Variants in NBEAL2 observed in about 807,000 individuals in gnomAD.
NBEAL2 encodes the protein neurobeachin like 2, also known as neurobeachin-like protein 2.
Under a neutral mutation model 299.8 loss-of-function variants are expected in NBEAL2, and 160 were observed. That is an observed-to-expected ratio of 0.53 (90% CI 0.47 to 0.61). NBEAL2 has a LOEUF of 0.61. NBEAL2 is among the 20% of genes least tolerant of loss of function. The pLI is 0.00. For missense variants in NBEAL2, 3,112 were observed against 3,649.0 expected (o/e 0.85, Z 3.79); for synonymous variants, 1,493 against 1,542.3 (o/e 0.97, Z 0.75).
chr3:46,992,589 C>A (rs777780700), intron 10 of NBEAL2, 34 bp downstream of exon 10: 3 of 1,538,854 alleles, frequency 1.9e-6, no homozygotes, highest in East Asian at 4.8e-5. Context: ...TCAGACACCC[C>A]CTGGGACTCC....
intron 6 of NBEAL2, among the ~76,000 whole-genome samples, chr3:46,990,653 T>C (rs542853724): frequency 7.2e-5 from 11 of 152,352 alleles, no homozygotes; most frequent in Middle Eastern, 3.4e-3. Flanking sequence ...TTCTGCCCTC[T>C]GAGTTTCAGT....
intron 22 of NBEAL2, 32 bp downstream of exon 22, chr3:46,998,597 G>T: frequency 6.3e-7 from 1 of 1,594,502 alleles, no homozygotes; most frequent in Admixed American, 1.8e-5. Context: ...GGGCCATGGG[G>T]GGCTGACACA....
At chr3:46,983,251 C>A (rs1484991856) in intron 1 of NBEAL2, among the ~76,000 whole-genome samples, 1 of 151,892 alleles carries the variant, frequency 6.6e-6, no homozygotes, top group South Asian at 2.1e-4. Flanking sequence ...ATGATCTCTA[C>A]TGCCTCTCAG....
Position 47,008,528 on chromosome 3 carries a change from C to A in NBEAL2, c.7887C>A (p.Tyr2629Ter). The A allele has an allele frequency of 6.2e-7, 1 of 1,613,056 alleles. No individual in the cohort carries two copies. Among genetic ancestry groups the A allele is most frequent in the South Asian group, 1.1e-5 (1 of 91,090 alleles). Residue 2629 changes from tyrosine (Y) to a stop codon, truncating the protein, a stop_gained, in exon 52 of 54, where the codon TAC (tyrosine) becomes TAA (stop). Transcript: ENST00000450053. LOFTEE classifies it high-confidence loss of function. ...AWERPGAQVTYSLHLYSVNGK... is the reference protein window; with the variant it reads ...AWERPGAQVT ...CTCCCTGCTTCCTCCAGGTCACCTA[C>A]TCCTTGCACCTGTATTCAGTCAATG...
chr3:46,996,505 C>T lies in NBEAL2; in HGVS notation c.2386C>T (p.Pro796Ser). 1 of 1,578,912 alleles carries T rather than the reference C, an allele frequency of 6.3e-7. No homozygotes were observed. Among genetic ancestry groups the T allele is most frequent in the African/African-American group, 1.3e-5 (1 of 74,436 alleles). Residue 796 changes from proline to serine, a missense_variant, in exon 16 of 54, where the codon CCC (proline) becomes TCC (serine). Coordinates refer to ENST00000450053, the MANE Select transcript of NBEAL2 (RefSeq NM_015175.3). Reference sequence around the variant, plus strand: ...CACCCAGGACACTCGGTGGGGCAGCCCCACATCCCTGGAGGGTGAGCTGGG... The same window carrying T: ...CACCCAGGACACTCGGTGGGGCAGCTCCACATCCCTGGAGGGTGAGCTGGG... ...AGTQDTRWGSPTSLEGELGAV... is the reference protein window; with the variant it reads ...AGTQDTRWGSSTSLEGELGAV...
At chr3:46,999,217 C>G (rs74515346) in intron 24 of NBEAL2, 98 bp from the exon 25 acceptor site, 22 of 1,534,296 alleles carry the variant, frequency 1.4e-5, no homozygotes, top group Admixed American at 3.9e-5. Flanking sequence ...GATGAAGCTG[C>G]CTTCAAGGGC....
At position 46,989,394 on chromosome 3, in the gene NBEAL2, C is replaced by T; in HGVS notation, c.473+13C>T. On this transcript the variant is annotated intron_variant, in intron 5 of 53. Coordinates refer to ENST00000450053, the MANE Select transcript of NBEAL2 (RefSeq NM_015175.3). The surrounding 1 kb of genome is among the most constrained non-coding windows in gnomAD (Gnocchi z 5.5). ...GCCAGCGCAGTGGGTGAGACCCAGCCCACAGGAAGGGAACCCAGAGGAGGG... is the reference window on the plus strand; with the variant it reads ...GCCAGCGCAGTGGGTGAGACCCAGCTCACAGGAAGGGAACCCAGAGGAGGG... The T allele has an allele frequency of 1.3e-6, 2 of 1,573,276 alleles. No homozygotes were observed. The highest frequency in any genetic ancestry group is 1.7e-4 in the Middle Eastern group (1 of 6,028).
At position 47,001,463 on chromosome 3, in the gene NBEAL2, GC is replaced by G. The variant is rs779373988; in HGVS notation, c.4644+27del. The G allele has an allele frequency of 5.6e-6, 9 of 1,605,254 alleles. No homozygotes were observed. The African/African-American group carries it at 1.2e-4, about 21-fold the overall frequency. ...GGTGCGACCCCTCAGAGAGGCGTGA[GC>G]CACATGAACACTCATGTTCATGCAA... On this transcript the variant is annotated intron_variant, in intron 29 of 53. Transcript: ENST00000450053. The surrounding 1 kb of genome is among the most constrained non-coding windows in gnomAD (Gnocchi z 6.1).
chr3:47,007,395 A>ACCCGGAATTATT (rs1257041914), intron 47 of NBEAL2, 45 bp downstream of exon 47: 9 of 1,562,716 alleles, frequency 5.8e-6, no homozygotes, highest in Non-Finnish European at 7.8e-6. Flanking sequence ...AATGCCCTGC[A>ACCCGGAATTATT]CCCGGAATTA....
In NBEAL2 at chr3:46,995,121, G is replaced by A; in HGVS notation, c.1386G>A (p.Leu462=). 1 of 1,574,520 alleles carries A rather than the reference G, an allele frequency of 6.4e-7. No individual in the cohort carries two copies. The highest frequency in any genetic ancestry group is 8.6e-7 in the Non-Finnish European group (1 of 1,160,124). The part of the protein sequence containing the change: ...VLVLAQWLPS[L]PTAELRLFLA... ...TGCTGGCGCAGTGGCTGCCGTCATT[G>A]CCCACCGCTGAGCTGCGGCTCTTCC... is the stretch of plus-strand genomic sequence containing the variant. The change falls in exon 13 of 54, where the codon TTG becomes TTA. Residue 462 remains leucine (L), a synonymous_variant. Transcript: ENST00000450053.
chr3:47,002,129 G>A lies in NBEAL2; in HGVS notation c.4992G>A (p.Leu1664=). 1 of 1,550,612 alleles carries A rather than the reference G, an allele frequency of 6.4e-7. No individual in the cohort carries two copies. Among genetic ancestry groups the A allele is most frequent in the South Asian group, 1.2e-5 (1 of 84,382 alleles). ...AAAAAERCSW[L]VPLVRTLLDR... ...CAGCTGCAGAGCGCTGCTCCTGGCT[G>A]GTGCCACTGGTGCGCACGCTGCTAG... is the stretch of plus-strand genomic sequence containing the variant. The change falls in exon 31 of 54, where the codon CTG becomes CTA. Residue 1664 remains leucine (L), a synonymous_variant. Coordinates refer to ENST00000450053, the MANE Select transcript of NBEAL2 (RefSeq NM_015175.3).
chr3:46,996,385 C>G lies in NBEAL2; in HGVS notation c.2266C>G (p.Arg756Gly). Residue 756 changes from arginine (R) to glycine (G), a missense_variant, in exon 16 of 54, where the codon CGC (arginine) becomes GGC (glycine). Arg to Gly is a moderately radical substitution (Grantham distance 125). Coordinates refer to ENST00000450053, the MANE Select transcript of NBEAL2 (RefSeq NM_015175.3). ...TLAYTHPALT[R>G]SQSVPASTGL... is the part of the protein sequence containing the mutation. ...GGCCTACACTCACCCCGCCCTCACC[C>G]GCTCCCAGTCAGTCCCAGCCTCCAC... 6.2e-7 allele frequency: 1 copy of G among 1,612,172 alleles called. No individual in the cohort carries two copies. Among genetic ancestry groups the G allele is most frequent in the Middle Eastern group, 1.7e-4 (1 of 6,058 alleles).
Position 47,000,836 on chromosome 3 carries a change from AC to A in NBEAL2, c.4306-163del. The A allele has an allele frequency of 9.6e-7, 1 of 1,040,592 alleles. No homozygotes were observed. Among genetic ancestry groups the A allele is most frequent in the South Asian group, 1.6e-5 (1 of 62,538 alleles). The allele number at this position is 1,040,592 out of a possible 1,614,324, so 64.5% of individuals were successfully genotyped here. ...CTCAGGTAGTAGTTGAGACCCCTAT[AC>A]CATTCTTCCAGGCCCTTAGTGCCAG... On this transcript the variant is annotated intron_variant, in intron 27 of 53. Coordinates refer to ENST00000450053, the MANE Select transcript of NBEAL2 (RefSeq NM_015175.3). The surrounding 1 kb of genome is among the most constrained non-coding windows in gnomAD (Gnocchi z 4.5).
At chr3:46,984,645 A>G (rs4682832) in intron 1 of NBEAL2, among the ~76,000 whole-genome samples, 143,706 of 152,248 alleles carry the variant, frequency 0.94, 68,411 homozygotes, top group East Asian at 1. Flanking sequence ...ATTCCACATA[A>G]ACACCACCCT....
In NBEAL2 at chr3:46,996,598, C is replaced by T. The variant is rs1319499012; in HGVS notation, c.2473+6C>T. Reference sequence around the variant, plus strand: ...GAGGACCCTGTGCACCCTGGGTATGCAGCATTCTCCATCTCTGCCACAGCC... The same window carrying T: ...GAGGACCCTGTGCACCCTGGGTATGTAGCATTCTCCATCTCTGCCACAGCC... On this transcript the variant is annotated splice_donor_region_variant and intron_variant, in intron 16 of 53. Coordinates refer to ENST00000450053, the MANE Select transcript of NBEAL2 (RefSeq NM_015175.3). 3 of 1,522,942 alleles carry T rather than the reference C, an allele frequency of 2.0e-6. No individual in the cohort carries two copies. Among genetic ancestry groups the T allele is most frequent in the Non-Finnish European group, 2.6e-6 (3 of 1,134,258 alleles). 94.3% of individuals were successfully genotyped at this position (1,522,942 alleles called of 1,614,324 possible).
rs374135059 is a variant in NBEAL2 at position 47,007,769 on chromosome 3, C to T, written c.7508-47C>T. The T allele has an allele frequency of 5.2e-5, 84 of 1,607,752 alleles. 1 individual carries two copies. The highest frequency in any genetic ancestry group is 6.4e-5 in the Non-Finnish European group (75 of 1,177,072). On this transcript the variant is annotated intron_variant, in intron 48 of 53. Transcript: ENST00000450053. ...GGCCGGGTTCTGAGGCTGGCCAGGG[C>T]GGATGTGACTCCTCCGTTCTGCCTG...
At chr3:47,005,869 A>G (rs1307317830) in intron 42 of NBEAL2, 22 bp downstream of exon 42, 1 of 1,612,612 alleles carries the variant, frequency 6.2e-7, no homozygotes, top group African/African-American at 1.3e-5. Flanking sequence ...ACCACAGGCA[A>G]ACGGCAGGCA....
intron 1 of NBEAL2, among the ~76,000 whole-genome samples, 173 bp downstream of exon 1, chr3:46,980,085 G>T (rs1206153156): frequency 3.9e-5 from 6 of 151,942 alleles, no homozygotes; most frequent in Non-Finnish European, 7.4e-5. Context: ...CCCCCAGCCC[G>T]CCGGGTGCCT....
intron 21 of NBEAL2, 54 bp from the exon 22 acceptor site, chr3:46,998,409 C>T: frequency 6.4e-7 from 1 of 1,561,400 alleles, no homozygotes; most frequent in South Asian, 1.2e-5. Context: ...CCTGGAGGAT[C>T]TGAAGGGCCC....
Sources: gnomAD v4.1 joint callset for allele counts (sites outside exome capture counted in the v4.1 genomes callset) on GRCh38, gnomAD v4.1.1 for gene constraint, Gnocchi (gnomAD v3.1) non-coding constraint, MANE v1.5 for transcripts, NCBI Gene and HGNC (gene_info 2026-07-23, HGNC 2026-07-21) for gene names.